The following MYO18B variants were observed in gnomAD, a reference collection of about 807,000 sequenced individuals.
MYO18B encodes the protein unconventional myosin-XVIIIb.
In MYO18B, 204 loss-of-function variants were observed where a neutral mutation model predicts 273.0. The ratio of observed to expected loss-of-function variants is 0.75; its 90% CI spans 0.67 to 0.84. The LOEUF is 0.84. Ranked by LOEUF, MYO18B falls within the 40% of genes least tolerant of loss-of-function variation. MYO18B has a pLI of 0.00. For missense variants in MYO18B, 3,212 were observed against 3,287.6 expected (o/e 0.98, Z 0.56); for synonymous variants, 1,330 against 1,305.7 (o/e 1.02, Z -0.40).
chr22:25,947,942 TA>T, intron 36 of MYO18B, 114 bp downstream of exon 36: 1 of 734,210 alleles, frequency 1.4e-6, no homozygotes, highest in Non-Finnish European at 2.4e-6. Flanking sequence ...CTTGGAGGGA[TA>T]AGTGCACAGA....
intron 13 of MYO18B, among the ~76,000 whole-genome samples, chr22:25,826,054 A>G (rs58118432): frequency 0.2 from 31,047 of 152,202 alleles, 3,324 homozygotes; most frequent in Non-Finnish European, 0.22. Flanking sequence ...TATACTAGAA[A>G]GATGATGCTA....
intron 42 of MYO18B, among the ~76,000 whole-genome samples, chr22:26,022,202 C>G (rs1332897580): frequency 6.6e-6 from 1 of 150,932 alleles, no homozygotes; most frequent in African/African-American, 2.4e-5. Context: ...GATTATCTGA[C>G]ATCCCTCCAT....
In MYO18B at chr22:25,798,037, C is replaced by T. The variant is rs371252378; in HGVS notation, c.2461C>T (p.Arg821Trp). The T allele has an allele frequency of 4.1e-5, 66 of 1,612,854 alleles. No homozygotes were observed. The highest frequency in any genetic ancestry group is 6.7e-5 in the East Asian group (3 of 44,842). Residue 821 changes from arginine (R) to tryptophan (W), a missense_variant, in exon 12 of 44, where the codon CGG becomes TGG. By Grantham distance (101) the Arg-to-Trp change is moderately radical. Transcript: ENST00000335473. ...GCTCGGCATCTCAGAGAGCGAGCAG[C>T]GGGCTGTTTGGCGGGTCCTGGCAGC... ...EMLGISESEQ[R>W]AVWRVLAAIY...
chr22:25,838,864 CAT>C (rs2089987190), intron 17 of MYO18B, among the ~76,000 whole-genome samples: 1 of 106,124 alleles, frequency 9.4e-6, no homozygotes, highest in Non-Finnish European at 1.9e-5. Flanking sequence ...TGTGTGTGAA[CAT>C]GTTTGTGTAT....
chr22:25,939,214 A>T (rs910187534), intron 34 of MYO18B, among the ~76,000 whole-genome samples: 2 of 152,238 alleles, frequency 1.3e-5, no homozygotes, highest in Admixed American at 1.3e-4. Context: ...GTGGTAACCC[A>T]GTTCAAATTG....
intron 14 of MYO18B, 38 bp from the exon 15 acceptor site, chr22:25,828,738 G>A (rs2089588892): frequency 1.3e-6 from 2 of 1,583,676 alleles, no homozygotes; most frequent in South Asian, 2.2e-5. Flanking sequence ...TAGATTCCAT[G>A]CCATCTCAGA....
chr22:25,907,806 G>T (rs578041943), intron 31 of MYO18B, among the ~76,000 whole-genome samples: 1 of 152,118 alleles, frequency 6.6e-6, no homozygotes, highest in African/African-American at 2.4e-5. Flanking sequence ...AGGCTGAGGC[G>T]GGTGGATCAC....
intron 11 of MYO18B, among the ~76,000 whole-genome samples, chr22:25,789,992 A>G (rs910405506): frequency 2.0e-4 from 30 of 152,262 alleles, no homozygotes; most frequent in African/African-American, 4.1e-4. Context: ...GTCTCTACTA[A>G]AAATACAAAA....
At chr22:26,032,695 A>G (rs1055599815), downstream of MYO18B, among the ~76,000 whole-genome samples, 3 of 151,572 alleles carry the variant, frequency 2.0e-5, no homozygotes, top group Non-Finnish European at 2.9e-5. Flanking sequence ...CTAATTTTGC[A>G]TTTTTTTAGT....
At chr22:25,848,600 G>T (rs1268726756) in intron 20 of MYO18B, among the ~76,000 whole-genome samples, 2 of 152,172 alleles carry the variant, frequency 1.3e-5, no homozygotes, top group African/African-American at 4.8e-5. Context: ...CAGGGGGATG[G>T]GGGGATTCTA....
At chr22:25,925,972 G>A (rs146435941) in intron 34 of MYO18B, among the ~76,000 whole-genome samples, 1,635 of 150,258 alleles carry the variant, frequency 0.011, 18 homozygotes, top group Middle Eastern at 0.038. Flanking sequence ...TTGGGAGGCC[G>A]AGGAGGGTGG....
At chr22:25,943,126 C>T (rs533305688) in intron 34 of MYO18B, among the ~76,000 whole-genome samples, 43 of 152,250 alleles carry the variant, frequency 2.8e-4, no homozygotes, top group Non-Finnish European at 5.1e-4. Flanking sequence ...TCTCTTGCCT[C>T]CTGGCTCCCA....
intron 12 of MYO18B, among the ~76,000 whole-genome samples, chr22:25,818,708 C>T (rs1601791047): frequency 6.6e-6 from 1 of 152,142 alleles, no homozygotes; most frequent in Non-Finnish European, 1.5e-5. Context: ...GCCAGCAGGA[C>T]AGGATAATCC....
chr22:25,813,577 A>G lies in MYO18B; in HGVS notation c.2522-9928A>G, dbSNP rs116393586. ...GAACTGAATCTTGAAAACAGAATAAATTAAGGAGCGTGCTCTAGGCAGAGG... is the reference window on the plus strand; with the variant it reads ...GAACTGAATCTTGAAAACAGAATAAGTTAAGGAGCGTGCTCTAGGCAGAGG... On this transcript the variant is annotated intron_variant, in intron 12 of 43. Transcript: ENST00000335473. 1.4e-3 allele frequency among the ~76,000 whole-genome samples: 216 copies of G among 152,262 alleles called. 2 individuals are homozygous for G. Among genetic ancestry groups the G allele is most frequent in the African/African-American group, 5.0e-3 (207 of 41,550 alleles).
At chr22:25,749,325 A>G (rs757975177) in intron 1 of MYO18B, among the ~76,000 whole-genome samples, 4 of 152,186 alleles carry the variant, frequency 2.6e-5, no homozygotes, top group African/African-American at 4.8e-5. Context: ...GGAATACCTT[A>G]CTAGCCTTGG....
intron 10 of MYO18B, among the ~76,000 whole-genome samples, chr22:25,782,613 C>T (rs1437093547): frequency 1.3e-5 from 2 of 152,152 alleles, no homozygotes; most frequent in African/African-American, 2.4e-5. Flanking sequence ...AGTGAAGTGT[C>T]GGGGAGAGGA....
chr22:25,909,010 C>A (rs774701968), intron 32 of MYO18B, among the ~76,000 whole-genome samples: 2 of 152,194 alleles, frequency 1.3e-5, no homozygotes, highest in Non-Finnish European at 2.9e-5. Context: ...GGCCTCTTTT[C>A]ATGTCTGTAA....
chr22:25,781,933 C>A (rs2087179236), intron 10 of MYO18B, 99 bp downstream of exon 10: 2 of 760,124 alleles, frequency 2.6e-6, no homozygotes, highest in African/African-American at 3.6e-5. Flanking sequence ...CACTGAGAGG[C>A]CGTGGGACCC....
chr22:26,029,339 A>G (rs1229630693), intron 43 of MYO18B, among the ~76,000 whole-genome samples: 1 of 152,194 alleles, frequency 6.6e-6, no homozygotes, highest in Non-Finnish European at 1.5e-5. Flanking sequence ...TCTTTGAGAG[A>G]CAGCCTCAGC....
Sources: gnomAD v4.1 joint callset for allele counts (sites outside exome capture counted in the v4.1 genomes callset) on GRCh38, gnomAD v4.1.1 for gene constraint, MANE v1.5 for transcripts, NCBI Gene and HGNC (gene_info 2026-07-23, HGNC 2026-07-21) for gene names.